The following PRPF6 variants were observed in gnomAD, a reference collection of about 807,000 sequenced individuals.
The protein encoded by PRPF6 is pre-mRNA-processing factor 6.
PRPF6 carries 42 observed loss-of-function variants against 118.3 expected under a neutral mutation model. The ratio of observed to expected loss-of-function variants is 0.35; its 90% confidence interval spans 0.28 to 0.46. The LOEUF (loss-of-function observed/expected upper bound fraction) is 0.46. PRPF6 is among the 20% of genes least tolerant of loss of function. The pLI, the probability that PRPF6 is intolerant of heterozygous loss-of-function variation, is 1.00. For synonymous variants in PRPF6, 481 were observed against 485.1 expected (o/e 0.99, Z 0.11); for missense variants, 662 against 1,255.7 (o/e 0.53, Z 7.15).
At chr20:63,992,683 T>C (rs1325082040) in intron 3 of PRPF6, among the ~76,000 whole-genome samples, 3 of 152,156 alleles carry the variant, frequency 2.0e-5, no homozygotes, top group Non-Finnish European at 2.9e-5. Flanking sequence ...TTAATGAATT[T>C]CTACATGTTT....
chr20:63,997,684 T>G (rs1374254083), intron 6 of PRPF6, among the ~76,000 whole-genome samples: 2 of 152,076 alleles, frequency 1.3e-5, no homozygotes, highest in African/African-American at 4.8e-5. Context: ...CTTGATCTCC[T>G]GACCTCGTGA....
chr20:63,987,189 A>AGGG (rs1555916397), intron 3 of PRPF6, among the ~76,000 whole-genome samples: 9 of 117,122 alleles, frequency 7.7e-5, no homozygotes, highest in Non-Finnish European at 1.1e-4. Flanking sequence ...AAAAAAAAAA[A>AGGG]GGGGGGGGGA....
intron 7 of PRPF6, 133 bp downstream of exon 7, chr20:63,999,272 T>A: frequency 1.2e-6 from 1 of 812,746 alleles, no homozygotes; most frequent in Non-Finnish European, 2.1e-6. Flanking sequence ...AGTAGTTTGT[T>A]TTTTCCATTT....
chr20:63,991,499 G>A (rs994478030), intron 3 of PRPF6, among the ~76,000 whole-genome samples: 2 of 152,086 alleles, frequency 1.3e-5, no homozygotes, highest in South Asian at 4.1e-4. Flanking sequence ...TTTTTAAAAA[G>A]TAGTGTACTT....
chr20:64,014,007 G>C (rs947929507), intron 11 of PRPF6, among the ~76,000 whole-genome samples: 3 of 151,140 alleles, frequency 2.0e-5, no homozygotes, highest in African/African-American at 7.3e-5. Flanking sequence ...AATCAATCTT[G>C]GCTCTCTGCC....
At chr20:64,002,708 A>G (rs1420054725) in intron 9 of PRPF6, among the ~76,000 whole-genome samples, 2 of 145,678 alleles carry the variant, frequency 1.4e-5, no homozygotes, top group African/African-American at 2.6e-5. Flanking sequence ...CAATGGCACC[A>G]TCTTGGCTCA....
At chr20:64,021,562 CTGTGTGTGTG>C (rs370834346) in intron 12 of PRPF6, among the ~76,000 whole-genome samples, 1 of 63,792 alleles carries the variant, frequency 1.6e-5, no homozygotes, top group Non-Finnish European at 3.2e-5. Flanking sequence ...GTGTGTGTGT[CTGTGTGTGTG>C]TGTGCACATA....
At chr20:63,995,618 T>A in intron 6 of PRPF6, 136 bp downstream of exon 6, 2 of 1,021,932 alleles carry the variant, frequency 2.0e-6, no homozygotes, top group Non-Finnish European at 2.8e-6. Context: ...CCTTCTCCTT[T>A]TTTTTTTTTT....
At chr20:64,024,208 G>C (rs1164854404) in intron 13 of PRPF6, among the ~76,000 whole-genome samples, 1 of 152,176 alleles carries the variant, frequency 6.6e-6, no homozygotes, top group Non-Finnish European at 1.5e-5. Flanking sequence ...GGGTGCGCTT[G>C]TGCTCTGTGG....
chr20:63,981,381 T>C, intron 1 of PRPF6, 65 bp downstream of exon 1: 1 of 1,467,306 alleles, frequency 6.8e-7, no homozygotes, highest in Non-Finnish European at 9.3e-7. Context: ...CTTTGGGGCG[T>C]GTTTGGGGGC....
chr20:64,000,037 C>T (rs917343485), intron 8 of PRPF6, among the ~76,000 whole-genome samples: 2 of 151,856 alleles, frequency 1.3e-5, no homozygotes, highest in African/African-American at 4.8e-5. Flanking sequence ...CCGCAAGCTC[C>T]ACCTGCCAGG....
At chr20:64,030,088 C>T (rs1300269602) in intron 19 of PRPF6, among the ~76,000 whole-genome samples, 1 of 152,242 alleles carries the variant, frequency 6.6e-6, no homozygotes, top group Non-Finnish European at 1.5e-5. Flanking sequence ...ACTCTAGGCA[C>T]ATGTGGGCAA....
intron 13 of PRPF6, among the ~76,000 whole-genome samples, chr20:64,023,486 G>A (rs541437637): frequency 1.6e-4 from 25 of 152,320 alleles, no homozygotes; most frequent in African/African-American, 5.5e-4. Context: ...CCAGGTCCTC[G>A]GGTGATGCTC....
intron 9 of PRPF6, among the ~76,000 whole-genome samples, chr20:64,006,385 C>T (rs569898849): frequency 5.3e-5 from 8 of 150,344 alleles, no homozygotes; most frequent in South Asian, 2.1e-4. Flanking sequence ...GGCGCAATCT[C>T]GGCTCACTGC....
At position 64,027,722 on chromosome 20, in the gene PRPF6, G is replaced by C. The variant is rs753111091; in HGVS notation, c.2325G>C (p.Lys775Asn). 5 of 1,613,936 alleles carry C rather than the reference G, an allele frequency of 3.1e-6. No homozygotes were observed. Among genetic ancestry groups the C allele is most frequent in the Non-Finnish European group, 4.2e-6 (5 of 1,179,994 alleles). Residue 775 changes from lysine to asparagine, a missense_variant, in exon 17 of 21, where the codon AAG becomes AAC. Coordinates refer to ENST00000266079, the MANE Select transcript of PRPF6 (RefSeq NM_012469.4). This position sits in a 1 kb window ranked among gnomAD's most constrained non-coding sequence, Gnocchi z 6.5. ...AAAAGTCTCGTCTGAAGAACCCAAA[G>C]AACCCTGGGCTGTGGTGAGTCCTGG... ...ILEKSRLKNP[K>N]NPGLWLESVR...
intron 9 of PRPF6, among the ~76,000 whole-genome samples, chr20:64,006,999 T>C (rs1320960102): frequency 6.6e-6 from 1 of 152,216 alleles, no homozygotes; most frequent in Admixed American, 6.5e-5. Flanking sequence ...CAGCAGACTT[T>C]TGTCTTCTCA....
chr20:63,992,862 C>G (rs1046163513), intron 3 of PRPF6, among the ~76,000 whole-genome samples: 1 of 151,962 alleles, frequency 6.6e-6, no homozygotes, highest in African/African-American at 2.4e-5. Context: ...TCCCAAGTAG[C>G]TGTGATTACA....
rs1015155474 is a variant in PRPF6, at chr20:64,026,421, G to C, written c.2028+363G>C. Among the ~76,000 whole-genome samples, 6 of 152,188 alleles carry C rather than the reference G, an allele frequency of 3.9e-5. No individual in the cohort carries two copies. The highest frequency in any genetic ancestry group is 1.4e-4 in the African/African-American group (6 of 41,432). ...CTCGGGAGGCTGAGGCAGGAGAATC[G>C]CTTGAACCCCGGGGGTGGAGGTTGC... On this transcript the variant is annotated intron_variant, in intron 15 of 20. Transcript: ENST00000266079. This position sits in a 1 kb window ranked among gnomAD's most constrained non-coding sequence, Gnocchi z 4.4.
chr20:63,989,405 T>C (rs2059109010), intron 3 of PRPF6, among the ~76,000 whole-genome samples: 2 of 152,016 alleles, frequency 1.3e-5, no homozygotes, highest in African/African-American at 4.8e-5. Context: ...AGTGCGCTAC[T>C]GCACTCCAGC....
Sources: allele counts gnomAD v4.1 joint callset (sites outside exome capture counted in the v4.1 genomes callset), GRCh38; gene constraint gnomAD v4.1.1; non-coding constraint Gnocchi (gnomAD v3.1); transcripts MANE v1.5; gene names NCBI Gene and HGNC (gene_info 2026-07-23, HGNC 2026-07-21).